The following ADGRL2 variants were observed in gnomAD, a reference collection of about 807,000 sequenced individuals.
ADGRL2 encodes the protein adhesion G protein-coupled receptor L2, also known as calcium-independent alpha-latrotoxin receptor 2.
Under a neutral mutation model 157.4 loss-of-function variants are expected in ADGRL2, and 44 were observed. That is an observed-to-expected ratio of 0.28 (90% confidence interval 0.22 to 0.36). ADGRL2 has a LOEUF of 0.36. Among genes scored for constraint, ADGRL2 ranks in the 10% least tolerant of loss-of-function variants. The probability of loss-of-function intolerance (pLI) is 1.00; values close to 1 mark genes in which losing one functional copy is unlikely to be tolerated. For missense variants in ADGRL2, 1,510 were observed against 1,768.9 expected, an observed-to-expected ratio of 0.85 and a Z score of 2.63; for synonymous variants, 585 against 624.7, an observed-to-expected ratio of 0.94 and a Z score of 0.95.
At chr1:81,431,913 T>C (rs1410433251) in intron 1 of ADGRL2, among the ~76,000 whole-genome samples, 1 of 152,196 alleles carries the variant, frequency 6.6e-6, no homozygotes, top group East Asian at 1.9e-4. Flanking sequence ...AATTGGGCTT[T>C]TTACCTCTCT....
chr1:81,925,986 T>C (rs1280560268), intron 3 of ADGRL2, among the ~76,000 whole-genome samples: 1 of 152,054 alleles, frequency 6.6e-6, no homozygotes, highest in African/African-American at 2.4e-5. Context: ...AAATCTAGTT[T>C]ACTCAATTCT....
At chr1:81,990,228 A>C (rs1664320113) in intron 23 of ADGRL2, 163 bp from the exon 24 acceptor site, 1 of 985,334 alleles carries the variant, frequency 1.0e-6, no homozygotes. Context: ...AGGGGTTGCA[A>C]CTATTTACAG....
At chr1:81,476,572 C>T (rs942845720) in intron 2 of ADGRL2, among the ~76,000 whole-genome samples, 3 of 152,152 alleles carry the variant, frequency 2.0e-5, no homozygotes, top group East Asian at 3.9e-4. Context: ...TTTATTGAAA[C>T]GTTGTGCCTG....
At chr1:81,944,055 G>C (rs897214978) in intron 6 of ADGRL2, among the ~76,000 whole-genome samples, 4 of 151,610 alleles carry the variant, frequency 2.6e-5, no homozygotes, top group Non-Finnish European at 5.9e-5. Context: ...TTTTTTGTTT[G>C]GTTGTTTTCC....
intron 2 of ADGRL2, among the ~76,000 whole-genome samples, chr1:81,897,894 A>G (rs903570279): frequency 6.6e-6 from 1 of 152,146 alleles, no homozygotes; most frequent in Admixed American, 6.5e-5. Flanking sequence ...CTTAGAAAAA[A>G]TTTTTTTGAA....
At chr1:81,485,405 A>G (rs1032089241) in intron 2 of ADGRL2, among the ~76,000 whole-genome samples, 1 of 152,154 alleles carries the variant, frequency 6.6e-6, no homozygotes, top group Non-Finnish European at 1.5e-5. Flanking sequence ...GAACATGTTT[A>G]TGATAAAAGT....
intron 2 of ADGRL2, among the ~76,000 whole-genome samples, chr1:81,556,871 T>C (rs1570488753): frequency 1.3e-5 from 2 of 148,988 alleles, no homozygotes; most frequent in Non-Finnish European, 3.0e-5. Context: ...AGGTCAGGAG[T>C]TTGAGACCAG....
intron 1 of ADGRL2, among the ~76,000 whole-genome samples, chr1:81,326,456 T>A (rs998402300): frequency 6.6e-6 from 1 of 152,232 alleles, no homozygotes; most frequent in Non-Finnish European, 1.5e-5. Flanking sequence ...ATTTCCACAC[T>A]AAACACAAAC....
intron 2 of ADGRL2, among the ~76,000 whole-genome samples, chr1:81,466,119 A>G (rs1403115821): frequency 1.3e-5 from 2 of 152,336 alleles, no homozygotes; most frequent in East Asian, 3.9e-4. Context: ...AATGCTTCAG[A>G]GAAGACCATT....
chr1:81,660,910 T>A (rs1312009989), intron 3 of ADGRL2, among the ~76,000 whole-genome samples: 1 of 152,166 alleles, frequency 6.6e-6, no homozygotes, highest in East Asian at 1.9e-4. Context: ...ATAGAAAACA[T>A]GTAACTGTTA....
At chr1:81,648,881 C>T (rs375825628) in intron 3 of ADGRL2, among the ~76,000 whole-genome samples, 1 of 152,178 alleles carries the variant, frequency 6.6e-6, no homozygotes, top group Non-Finnish European at 1.5e-5. Context: ...GGGACTTTAA[C>T]TCAGCTTACT....
chr1:81,448,995 C>A (rs1292183354), intron 2 of ADGRL2, among the ~76,000 whole-genome samples: 2 of 151,898 alleles, frequency 1.3e-5, no homozygotes, highest in Non-Finnish European at 1.5e-5. Context: ...GATATTAGTA[C>A]CAGAAAAAGT....
At chr1:81,964,169 A>G (rs1185515447) in intron 11 of ADGRL2, among the ~76,000 whole-genome samples, 3 of 151,998 alleles carry the variant, frequency 2.0e-5, no homozygotes, top group Admixed American at 1.3e-4. Context: ...TTAAACTCTA[A>G]TAAGTAAATT....
intron 2 of ADGRL2, among the ~76,000 whole-genome samples, chr1:81,783,963 A>T (rs1243672315): frequency 6.6e-6 from 1 of 152,212 alleles, no homozygotes; most frequent in Non-Finnish European, 1.5e-5. Flanking sequence ...ACAGGTAATG[A>T]TCATTCCCAT....
At chr1:81,971,264 C>A (rs1658647191) in intron 16 of ADGRL2, among the ~76,000 whole-genome samples, 2 of 152,118 alleles carry the variant, frequency 1.3e-5, no homozygotes, top group Non-Finnish European at 2.9e-5. Flanking sequence ...AAATGAACCA[C>A]TAAGTAAAAT....
intron 2 of ADGRL2, among the ~76,000 whole-genome samples, chr1:81,573,881 A>G (rs897835749): frequency 6.6e-6 from 1 of 152,168 alleles, no homozygotes; most frequent in Non-Finnish European, 1.5e-5. Context: ...TGGAGAAGAC[A>G]CATAGTCTCA....
chr1:81,460,732 A>T lies in ADGRL2; in HGVS notation c.-248+15643A>T, dbSNP rs116726690. ...AAAGAATAAAATGGTCAGAAACAAG[A>T]CTAGAAATTTCGATCTCCTGGGTCC... On this transcript the variant is annotated intron_variant, in intron 2 of 24. Coordinates refer to the ADGRL2 transcript ENST00000370721. 8.9e-3 allele frequency among the ~76,000 whole-genome samples: 1,361 copies of T among 152,292 alleles called. 9 individuals are homozygous for T. Among genetic ancestry groups the T allele is most frequent in the Middle Eastern group, 0.02 (6 of 294 alleles).
At chr1:81,753,928 T>C (rs1054883007) in intron 1 of ADGRL2, among the ~76,000 whole-genome samples, 1 of 152,174 alleles carries the variant, frequency 6.6e-6, no homozygotes, top group African/African-American at 2.4e-5. Context: ...TGATGGTGCA[T>C]GTTTTGGGGG....
intron 1 of ADGRL2, among the ~76,000 whole-genome samples, chr1:81,724,795 TAATA>T (rs994636517): frequency 2.6e-5 from 4 of 152,368 alleles, no homozygotes; most frequent in East Asian, 1.9e-4. Flanking sequence ...ATTTCTGGAA[TAATA>T]AATAAGTTTA....
Sources: allele counts gnomAD v4.1 joint callset (sites outside exome capture counted in the v4.1 genomes callset), GRCh38; gene constraint gnomAD v4.1.1; transcripts MANE v1.5; gene names NCBI Gene and HGNC (gene_info 2026-07-23, HGNC 2026-07-21).